Variants in NOL4 observed in about 807,000 individuals in gnomAD.
The protein encoded by NOL4 is nucleolar protein 4.
Under a neutral mutation model 75.9 loss-of-function variants are expected in NOL4, and 17 were observed. The observed-to-expected ratio is 0.22, with a 90% CI of 0.15 to 0.34. The LOEUF (loss-of-function observed/expected upper bound fraction) is 0.34. NOL4 is among the 10% of genes least tolerant of loss of function. The pLI is 1.00. For synonymous variants in NOL4, 292 were observed against 289.9 expected (o/e 1.01, Z -0.07); for missense variants, 614 against 793.5 (o/e 0.77, Z 2.72).
At position 33,895,214 on chromosome 18, in the gene NOL4, T is replaced by G. The variant is rs1185669569; in HGVS notation, c.1543-11790A>C. Among the ~76,000 whole-genome samples, 4 of 151,972 alleles carry G rather than the reference T, an allele frequency of 2.6e-5. No individual in the cohort carries two copies. In the East Asian group the frequency reaches 7.7e-4, roughly 29 times the overall value. ...GAAAAATACAAAATAAATACAGTAG[T>G]GATAATCCTCAACTAATTTTATATG... On this transcript the variant is annotated intron_variant, in intron 9 of 10. Coordinates refer to ENST00000261592, the MANE Select transcript of NOL4 (RefSeq NM_003787.5).
At chr18:33,952,492 A>T (rs943736753) in intron 8 of NOL4, among the ~76,000 whole-genome samples, 1 of 152,210 alleles carries the variant, frequency 6.6e-6, no homozygotes, top group African/African-American at 2.4e-5. Context: ...ACATGATCAC[A>T]TATAGTACCC....
chr18:34,010,306 C>T (rs1292375461), intron 6 of NOL4, among the ~76,000 whole-genome samples: 11 of 151,910 alleles, frequency 7.2e-5, no homozygotes, highest in African/African-American at 2.2e-4. Context: ...CCTTCAGTTC[C>T]ATCCGTGTTG....
At chr18:33,975,242 T>C (rs2071398658) in intron 6 of NOL4, among the ~76,000 whole-genome samples, 1 of 152,210 alleles carries the variant, frequency 6.6e-6, no homozygotes, top group African/African-American at 2.4e-5. Context: ...TGGAGATCTG[T>C]CGCACAACAT....
At chr18:34,083,102 CT>C (rs1227648499) in intron 5 of NOL4, among the ~76,000 whole-genome samples, 1 of 150,868 alleles carries the variant, frequency 6.6e-6, no homozygotes, top group Non-Finnish European at 1.5e-5. Context: ...CTCTCTCTGT[CT>C]TTATATATAC....
chr18:33,860,161 G>A (rs2063034270), intron 10 of NOL4, among the ~76,000 whole-genome samples: 1 of 151,914 alleles, frequency 6.6e-6, no homozygotes, highest in Admixed American at 6.6e-5. Context: ...GAAAAGCATG[G>A]GGGAAACCAC....
intron 2 of NOL4, among the ~76,000 whole-genome samples, chr18:34,126,765 C>T (rs1271043650): frequency 6.6e-6 from 1 of 151,984 alleles, no homozygotes; most frequent in East Asian, 1.9e-4. Flanking sequence ...TTTTATAATG[C>T]CACATCATTA....
At chr18:34,203,186 C>A (rs183899999) in intron 1 of NOL4, among the ~76,000 whole-genome samples, 12 of 152,014 alleles carry the variant, frequency 7.9e-5, no homozygotes, top group African/African-American at 2.9e-4. Flanking sequence ...ACAAGCCAGT[C>A]CCCAAAGGTT....
intron 10 of NOL4, among the ~76,000 whole-genome samples, chr18:33,861,565 G>A (rs867822591): frequency 6.6e-6 from 1 of 151,910 alleles, no homozygotes; most frequent in Non-Finnish European, 1.5e-5. Flanking sequence ...ATCAACATCA[G>A]CAAAGTCTCA....
chr18:33,852,889 A>C lies in NOL4; in HGVS notation c.1870T>G (p.Leu624Val). 2 of 1,613,030 alleles carry C rather than the reference A, an allele frequency of 1.2e-6. No homozygotes were observed. Among genetic ancestry groups the C allele is most frequent in the Non-Finnish European group, 1.7e-6 (2 of 1,179,416 alleles). Residue 624 changes from leucine to valine, a missense_variant, in exon 11 of 11, where the codon TTG (leucine) becomes GTG (valine). Physicochemically the swap from Leu to Val is conservative, Grantham distance 32. Transcript: ENST00000261592. The stretch of plus-strand genomic sequence containing the variant: ...TTTTCCAGTTCATCTGCAGATCGCA[A>C]TAAAAATGCAGCTGATTCTCGATAT... ...AGYRESAAFL[L>V]RSADELENLI...
At chr18:33,948,807 C>A (rs552998413) in intron 8 of NOL4, among the ~76,000 whole-genome samples, 1 of 151,912 alleles carries the variant, frequency 6.6e-6, no homozygotes. Flanking sequence ...TGGTCTCTGC[C>A]ATCATAGAGT....
At chr18:34,138,194 T>C (rs2080980006) in intron 1 of NOL4, among the ~76,000 whole-genome samples, 1 of 152,082 alleles carries the variant, frequency 6.6e-6, no homozygotes, top group Admixed American at 6.6e-5. Context: ...GGTGGATCTC[T>C]TGAGCCCAAG....
intron 1 of NOL4, among the ~76,000 whole-genome samples, chr18:34,140,544 C>G (rs1253049307): frequency 6.6e-6 from 1 of 152,100 alleles, no homozygotes; most frequent in East Asian, 1.9e-4. Context: ...AGATCTTCCT[C>G]CATCCCTTTA....
chr18:34,223,387 G>A lies in NOL4; in HGVS notation c.-134C>T, dbSNP rs2037454833. On this transcript the variant is annotated 5_prime_UTR_variant, in exon 1 of 11. Coordinates refer to ENST00000261592, the MANE Select transcript of NOL4 (RefSeq NM_003787.5). Reference sequence around the variant, plus strand: ...CGGCCGCAGCGGGAGCCTGCTTTGGGTGGGGGAAGGGATGGGAAGAGGGGA... The same window carrying A: ...CGGCCGCAGCGGGAGCCTGCTTTGGATGGGGGAAGGGATGGGAAGAGGGGA... The A allele has an allele frequency of 4.6e-6, 6 of 1,297,862 alleles. No homozygotes were observed. Among genetic ancestry groups the A allele is most frequent in the Non-Finnish European group, 6.3e-6 (6 of 954,036 alleles). The allele number at this position is 1,297,862 out of a possible 1,614,324, so 80.4% of individuals were successfully genotyped here.
intron 9 of NOL4, among the ~76,000 whole-genome samples, chr18:33,910,470 C>A (rs1440451408): frequency 6.6e-6 from 1 of 152,012 alleles, no homozygotes; most frequent in Non-Finnish European, 1.5e-5. Flanking sequence ...GACAGACATT[C>A]CCTCTCCCAG....
intron 9 of NOL4, among the ~76,000 whole-genome samples, chr18:33,932,744 G>A (rs2067784389): frequency 6.6e-6 from 1 of 151,952 alleles, no homozygotes; most frequent in Non-Finnish European, 1.5e-5. Context: ...ATGAGGATTG[G>A]ATCAAAATGG....
chr18:34,085,996 T>C (rs1009763252), intron 5 of NOL4, among the ~76,000 whole-genome samples: 2 of 152,122 alleles, frequency 1.3e-5, no homozygotes, highest in African/African-American at 4.8e-5. Context: ...CTTATAAAGG[T>C]AGTTTATACT....
intron 6 of NOL4, among the ~76,000 whole-genome samples, chr18:33,973,935 C>T (rs946131117): frequency 4.6e-5 from 7 of 152,092 alleles, no homozygotes; most frequent in Non-Finnish European, 7.4e-5. Flanking sequence ...CACTTAAAGC[C>T]GCCAGCTACA....
At chr18:33,874,050 G>C (rs1331987464) in intron 10 of NOL4, among the ~76,000 whole-genome samples, 4 of 152,012 alleles carry the variant, frequency 2.6e-5, no homozygotes, top group South Asian at 2.1e-4. Flanking sequence ...GATTTCTCTG[G>C]ATGTCTAGAT....
intron 9 of NOL4, among the ~76,000 whole-genome samples, chr18:33,921,644 G>A (rs2067044896): frequency 6.6e-6 from 1 of 152,258 alleles, no homozygotes; most frequent in South Asian, 2.1e-4. Flanking sequence ...ACTAGAAGCA[G>A]CAAAGAAGGA....
Sources: gnomAD v4.1 joint callset for allele counts (sites outside exome capture counted in the v4.1 genomes callset) on GRCh38, gnomAD v4.1.1 for gene constraint, MANE v1.5 for transcripts, NCBI Gene and HGNC (gene_info 2026-07-23, HGNC 2026-07-21) for gene names.